The following ADAMTS19 variants were observed in gnomAD, a reference collection of about 807,000 sequenced individuals.
The protein encoded by ADAMTS19 is ADAM metallopeptidase with thrombospondin type 1 motif 19, also known as A disintegrin and metalloproteinase with thrombospondin motifs 19.
ADAMTS19 carries 93 observed loss-of-function variants against 153.3 expected under a neutral mutation model. The ratio of observed to expected loss-of-function variants is 0.61; its 90% confidence interval spans 0.51 to 0.72. ADAMTS19 has a LOEUF of 0.72. Among genes scored for constraint, ADAMTS19 ranks in the 30% least tolerant of loss-of-function variants. ADAMTS19 has a pLI of 0.00. For missense variants in ADAMTS19, 1,482 were observed against 1,552.1 expected (o/e 0.95, Z 0.76); for synonymous variants, 600 against 556.6 (o/e 1.08, Z -1.10).
intron 8 of ADAMTS19, among the ~76,000 whole-genome samples, chr5:129,603,212 C>T (rs1750744668): frequency 6.6e-6 from 1 of 152,156 alleles, no homozygotes; most frequent in African/African-American, 2.4e-5. Flanking sequence ...ACAGATGTGA[C>T]AGTCACTGTT....
At chr5:129,501,661 G>A (rs1367794480) in intron 2 of ADAMTS19, among the ~76,000 whole-genome samples, 1 of 151,966 alleles carries the variant, frequency 6.6e-6, no homozygotes, top group Non-Finnish European at 1.5e-5. Context: ...ATACTGATTT[G>A]TGATCTTAGG....
At chr5:129,665,788 T>C (rs1430474961) in intron 16 of ADAMTS19, among the ~76,000 whole-genome samples, 1 of 151,804 alleles carries the variant, frequency 6.6e-6, no homozygotes, top group Admixed American at 6.6e-5. Flanking sequence ...TGTATGTTTT[T>C]GAGGGGTAAA....
At position 129,622,277 on chromosome 5, in the gene ADAMTS19, A is replaced by G. The variant is rs752450573; in HGVS notation, c.1699A>G (p.Met567Val). 6.8e-6 allele frequency: 11 copies of G among 1,614,018 alleles called. No individual in the cohort carries two copies. In the East Asian group the frequency reaches 2.2e-4, roughly 33 times the overall value. ...SVMVPSKLPG[M>V]TYTADEQCQI... ...GATGGTTCCCTCCAAGCTGCCAGGG[A>G]TGACATACACTGCTGATGAACAATG... The change falls in exon 10 of 23, where the codon ATG (methionine) becomes GTG (valine). Residue 567 changes from methionine to valine, a missense_variant. Physicochemically the swap from Met to Val is conservative, Grantham distance 21 (BLOSUM62 1). Around this residue, in one of 2 missense-constraint regions of ADAMTS19, gnomAD observed 866 missense variants for 827.7 expected, o/e 1.05. Transcript: ENST00000274487.
chr5:129,703,200 C>T (rs898105973), intron 20 of ADAMTS19, among the ~76,000 whole-genome samples: 3 of 150,398 alleles, frequency 2.0e-5, no homozygotes, highest in Non-Finnish European at 4.4e-5. Flanking sequence ...GTCAGTGGTG[C>T]TTGCCTTTAG....
intron 8 of ADAMTS19, among the ~76,000 whole-genome samples, chr5:129,620,351 G>T (rs544184479): frequency 1.3e-5 from 2 of 151,856 alleles, no homozygotes; most frequent in South Asian, 4.2e-4. Context: ...GGTCATTTCC[G>T]TATAAAGGAC....
chr5:129,490,539 A>G lies in ADAMTS19; in HGVS notation c.748-18538A>G, dbSNP rs117421434. Among the ~76,000 whole-genome samples, 8 of 152,280 alleles carry G rather than the reference A, an allele frequency of 5.3e-5. No individual in the cohort carries two copies. The East Asian group carries it at 7.7e-4, about 15-fold the overall frequency. ...AGGCAACTAAAGCTCTCTAATTCCT[A>G]TTTGTTTCTAGGAACCAAATAAAAT... On this transcript the variant is annotated intron_variant, in intron 2 of 22. Coordinates refer to ENST00000274487, the MANE Select transcript of ADAMTS19 (RefSeq NM_133638.6).
intron 3 of ADAMTS19, among the ~76,000 whole-genome samples, chr5:129,515,886 C>A (rs2126737124): frequency 6.6e-6 from 1 of 152,008 alleles, no homozygotes; most frequent in South Asian, 2.1e-4. Flanking sequence ...AAAAGTCTTT[C>A]TGTTTTTCCC....
At chr5:129,504,004 A>T (rs1751190056) in intron 2 of ADAMTS19, among the ~76,000 whole-genome samples, 1 of 152,216 alleles carries the variant, frequency 6.6e-6, no homozygotes, top group East Asian at 1.9e-4. Flanking sequence ...GATGTACTTT[A>T]TATTGGGACA....
At chr5:129,523,910 T>A (rs1751913174) in intron 3 of ADAMTS19, among the ~76,000 whole-genome samples, 1 of 152,206 alleles carries the variant, frequency 6.6e-6, no homozygotes, top group Non-Finnish European at 1.5e-5. Context: ...ATAGATTCAG[T>A]GCTATTCCTA....
rs899087923 is a variant in ADAMTS19 at position 129,490,168 on chromosome 5, A to G, written c.748-18909A>G. 3.9e-5 allele frequency among the ~76,000 whole-genome samples: 6 copies of G among 152,286 alleles called. No individual in the cohort carries two copies. In the South Asian group the frequency reaches 1.2e-3, roughly 32 times the overall value. ...GTTGGTTGGCTGAGCAGTTGAATGA[A>G]GTTTTGTCACTACAGTTCTCCTCCC... is the stretch of plus-strand genomic sequence containing the variant. On this transcript the variant is annotated intron_variant, in intron 2 of 22. Coordinates refer to ENST00000274487, the MANE Select transcript of ADAMTS19 (RefSeq NM_133638.6).
intron 1 of ADAMTS19, chr5:129,460,736 G>A (rs1379706902): frequency 1.9e-5 from 11 of 575,462 alleles, no homozygotes; most frequent in Non-Finnish European, 3.4e-5. Flanking sequence ...TACGTTTACA[G>A]CACCTGGAGG....
intron 2 of ADAMTS19, among the ~76,000 whole-genome samples, chr5:129,475,914 A>G (rs912567440): frequency 1.3e-5 from 2 of 152,350 alleles, no homozygotes; most frequent in African/African-American, 4.8e-5. Context: ...AGTATCTTCA[A>G]AGAAACTTCC....
intron 19 of ADAMTS19, among the ~76,000 whole-genome samples, chr5:129,699,422 CAAAAAAAA>C (rs536240544): frequency 1.2e-5 from 1 of 80,588 alleles, no homozygotes; most frequent in African/African-American, 3.7e-5. Context: ...GACTTCATCT[CAAAAAAAA>C]AAAAAAAAAA....
chr5:129,520,168 T>C (rs1234811470), intron 3 of ADAMTS19, among the ~76,000 whole-genome samples: 1 of 152,174 alleles, frequency 6.6e-6, no homozygotes, highest in Non-Finnish European at 1.5e-5. Context: ...CCTTCCTGCC[T>C]CTAAGTCTCC....
intron 10 of ADAMTS19, among the ~76,000 whole-genome samples, chr5:129,639,034 C>T (rs953917107): frequency 2.0e-5 from 3 of 152,056 alleles, no homozygotes; most frequent in Non-Finnish European, 2.9e-5. Flanking sequence ...AAAGGAATAT[C>T]GTATTATTTT....
At chr5:129,641,995 T>A in intron 11 of ADAMTS19, 35 bp downstream of exon 11, 5 of 1,343,394 alleles carry the variant, frequency 3.7e-6, no homozygotes, top group Non-Finnish European at 5.2e-6. Flanking sequence ...TTAATGAGCA[T>A]ACTAGATGAA....
intron 7 of ADAMTS19, among the ~76,000 whole-genome samples, chr5:129,562,036 T>C (rs2862187): frequency 0.84 from 127,146 of 152,138 alleles, 53,384 homozygotes; most frequent in Non-Finnish European, 0.88. Flanking sequence ...AGTTGGTTTT[T>C]ATAGAGTGAC....
intron 19 of ADAMTS19, among the ~76,000 whole-genome samples, chr5:129,700,130 A>C (rs1755763861): frequency 6.6e-6 from 1 of 152,170 alleles, no homozygotes; most frequent in African/African-American, 2.4e-5. Flanking sequence ...AAATTTTAAG[A>C]ATCACTTTTC....
chr5:129,612,189 A>T (rs1288242827), intron 8 of ADAMTS19, among the ~76,000 whole-genome samples: 2 of 134,974 alleles, frequency 1.5e-5, no homozygotes, highest in African/African-American at 5.6e-5. Flanking sequence ...TGTTCTCATT[A>T]TTCAATTCCC....
Sources: gnomAD v4.1 joint callset for allele counts (sites outside exome capture counted in the v4.1 genomes callset) on GRCh38, gnomAD v4.1.1 for gene constraint, gnomAD v4.1.1 regional missense constraint, MANE v1.5 for transcripts, NCBI Gene and HGNC (gene_info 2026-07-23, HGNC 2026-07-21) for gene names.